Variants in LRRTM4 observed in about 807,000 individuals in gnomAD.
LRRTM4 encodes leucine-rich repeat transmembrane neuronal protein 4.
Under a neutral mutation model 47.6 loss-of-function variants are expected in LRRTM4, and 25 were observed. The observed-to-expected ratio is 0.53, with a 90% CI of 0.38 to 0.73. LRRTM4 has a LOEUF of 0.73. LRRTM4 is among the 30% of genes least tolerant of loss of function. The pLI, the probability that LRRTM4 is intolerant of heterozygous loss-of-function variation, is 0.00. For missense variants in LRRTM4, 638 were observed against 713.4 expected, an observed-to-expected ratio of 0.89 and a Z score of 1.20; for synonymous variants, 311 against 269.5, an observed-to-expected ratio of 1.15 and a Z score of -1.51.
intron 3 of LRRTM4, among the ~76,000 whole-genome samples, chr2:76,942,749 C>G (rs1675193704): frequency 6.7e-6 from 1 of 148,846 alleles, no homozygotes; most frequent in Non-Finnish European, 1.5e-5. Context: ...GTTTTTAGTG[C>G]ATGATATAAT....
At chr2:76,863,215 G>T (rs1672370009) in intron 3 of LRRTM4, among the ~76,000 whole-genome samples, 1 of 152,142 alleles carries the variant, frequency 6.6e-6, no homozygotes, top group Non-Finnish European at 1.5e-5. Flanking sequence ...ACATGCATAA[G>T]ATAATTCAGT....
At chr2:77,434,291 C>CA (rs1675503363) in intron 3 of LRRTM4, among the ~76,000 whole-genome samples, 1 of 151,296 alleles carries the variant, frequency 6.6e-6, no homozygotes, top group Non-Finnish European at 1.5e-5. Context: ...ATGGCTCTTA[C>CA]TGAATAGGAA....
chr2:76,904,955 G>C (rs540813034), intron 3 of LRRTM4, among the ~76,000 whole-genome samples: 1 of 152,090 alleles, frequency 6.6e-6, no homozygotes, highest in African/African-American at 2.4e-5. Context: ...GCAGAAGATG[G>C]GTGATTTCTG....
chr2:77,258,145 A>T (rs528455740), intron 3 of LRRTM4, among the ~76,000 whole-genome samples: 1 of 151,944 alleles, frequency 6.6e-6, no homozygotes, highest in African/African-American at 2.4e-5. Flanking sequence ...CTACGAAGAA[A>T]CACCACCACA....
At chr2:77,329,092 T>C (rs969007258) in intron 3 of LRRTM4, among the ~76,000 whole-genome samples, 2 of 152,188 alleles carry the variant, frequency 1.3e-5, no homozygotes, top group Non-Finnish European at 2.9e-5. Context: ...GTACTTAAGA[T>C]AGTTTGTCCC....
chr2:77,388,650 G>T (rs1182036896), intron 3 of LRRTM4, among the ~76,000 whole-genome samples: 1 of 151,922 alleles, frequency 6.6e-6, no homozygotes, highest in Non-Finnish European at 1.5e-5. Flanking sequence ...AAATAGTACT[G>T]ATTCAGTTTG....
chr2:76,912,719 C>G (rs967129265), intron 3 of LRRTM4, among the ~76,000 whole-genome samples: 2 of 152,134 alleles, frequency 1.3e-5, no homozygotes, highest in African/African-American at 4.8e-5. Flanking sequence ...GGGTTGTTTC[C>G]TATGGTTTAA....
intron 3 of LRRTM4, among the ~76,000 whole-genome samples, chr2:76,997,782 G>A (rs1445206445): frequency 6.6e-6 from 1 of 152,100 alleles, no homozygotes; most frequent in East Asian, 1.9e-4. Context: ...GCCAGCAAGT[G>A]AAGCTTCATC....
chr2:77,207,347 G>GTATATATATATATATATATATATATA (rs200933978), intron 3 of LRRTM4, among the ~76,000 whole-genome samples: 1 of 83,392 alleles, frequency 1.2e-5, no homozygotes, highest in African/African-American at 4.3e-5. Context: ...TTTCATATAT[G>GTATATATATATATATATATATATATA]TGTATATATA....
intron 3 of LRRTM4, among the ~76,000 whole-genome samples, chr2:76,816,819 GTTTTTTTTTTTTTTTTTTTTTTTTT>G (rs201525166): frequency 3.7e-4 from 36 of 96,568 alleles, no homozygotes; most frequent in African/African-American, 7.3e-4. Context: ...GAGGTAAAGA[GTTTTTTTTTTTTTTTTTTTTTTTTT>G]TTTTTTTTTT....
At chr2:77,052,817 T>C (rs1328930931) in intron 3 of LRRTM4, among the ~76,000 whole-genome samples, 1 of 152,122 alleles carries the variant, frequency 6.6e-6, no homozygotes, top group African/African-American at 2.4e-5. Flanking sequence ...ACAGAATTTT[T>C]TTAAAAAACA....
At chr2:77,197,438 G>A (rs1210770905) in intron 3 of LRRTM4, among the ~76,000 whole-genome samples, 1 of 152,080 alleles carries the variant, frequency 6.6e-6, no homozygotes, top group East Asian at 1.9e-4. Flanking sequence ...TTTGAAATGA[G>A]GAGCAGCATC....
chr2:77,087,224 C>T (rs570063472), intron 3 of LRRTM4, among the ~76,000 whole-genome samples: 54 of 152,238 alleles, frequency 3.5e-4, no homozygotes, highest in African/African-American at 1.3e-3. Context: ...CACAATCAAG[C>T]TGAATTCTGA....
intron 3 of LRRTM4, among the ~76,000 whole-genome samples, chr2:76,997,946 C>T (rs181596372): frequency 1.3e-4 from 20 of 152,002 alleles, no homozygotes; most frequent in East Asian, 5.8e-4. Flanking sequence ...AAGAATCTAA[C>T]GCCTGATGAT....
intron 3 of LRRTM4, among the ~76,000 whole-genome samples, chr2:77,313,718 G>T (rs554704106): frequency 1.1e-4 from 17 of 152,084 alleles, no homozygotes; most frequent in African/African-American, 4.1e-4. Flanking sequence ...CTCCTCCTAC[G>T]TACAATTGAT....
intron 3 of LRRTM4, among the ~76,000 whole-genome samples, chr2:76,962,726 C>G (rs1675901846): frequency 6.7e-6 from 1 of 149,756 alleles, no homozygotes; most frequent in African/African-American, 2.4e-5. Context: ...TAAAAATAGA[C>G]AGAACATCTT....
intron 3 of LRRTM4, among the ~76,000 whole-genome samples, chr2:76,965,414 T>C (rs1381544625): frequency 2.0e-5 from 3 of 151,312 alleles, no homozygotes; most frequent in Non-Finnish European, 4.4e-5. Flanking sequence ...AATCAATTTA[T>C]GTTATATGCC....
At chr2:76,785,077 C>T (rs1384810730) in intron 3 of LRRTM4, among the ~76,000 whole-genome samples, 1 of 152,006 alleles carries the variant, frequency 6.6e-6, no homozygotes, top group Non-Finnish European at 1.5e-5. Flanking sequence ...CTGCAATAAA[C>T]TATTAAGATG....
intron 3 of LRRTM4, among the ~76,000 whole-genome samples, chr2:77,147,920 G>T (rs540602695): frequency 9.2e-5 from 14 of 152,206 alleles, no homozygotes; most frequent in African/African-American, 3.4e-4. Context: ...AGGGTTTATG[G>T]ATGTTTAGTC....
Sources: allele counts gnomAD v4.1 joint callset (sites outside exome capture counted in the v4.1 genomes callset), GRCh38; gene constraint gnomAD v4.1.1; transcripts MANE v1.5; gene names NCBI Gene and HGNC (gene_info 2026-07-23, HGNC 2026-07-21).